COL23A1: variants seen among roughly 807,000 people sequenced by gnomAD.
The protein encoded by COL23A1 is collagen alpha-1(XXIII) chain.
In COL23A1, 97 loss-of-function variants were observed where a neutral mutation model predicts 99.3. The ratio of observed to expected loss-of-function variants is 0.98; its 90% CI spans 0.83 to 1.16. The LOEUF is 1.16. Among genes scored for constraint, COL23A1 ranks in the 50% most tolerant of loss-of-function variants. COL23A1 has a pLI of 0.00. For missense variants in COL23A1, 762 were observed against 757.4 expected (o/e 1.01, Z -0.07); for synonymous variants, 320 against 308.2 (o/e 1.04, Z -0.40).
chr5:178,404,924 G>A (rs1286392475), intron 2 of COL23A1, among the ~76,000 whole-genome samples: 1 of 152,204 alleles, frequency 6.6e-6, no homozygotes, highest in Non-Finnish European at 1.5e-5. Context: ...AGCTAACCTT[G>A]ATTTTGCTTT....
intron 2 of COL23A1, among the ~76,000 whole-genome samples, chr5:178,485,151 G>A (rs1181785113): frequency 6.6e-6 from 1 of 152,182 alleles, no homozygotes; most frequent in Non-Finnish European, 1.5e-5. Flanking sequence ...CCAACAATAT[G>A]AAATTGGTGT....
chr5:178,375,317 G>A (rs979170966), intron 2 of COL23A1, among the ~76,000 whole-genome samples: 2 of 152,200 alleles, frequency 1.3e-5, no homozygotes, highest in African/African-American at 2.4e-5. Context: ...TCTTCCGCAG[G>A]GGATGAAAAG....
chr5:178,268,815 T>A, intron 6 of COL23A1, 59 bp from the exon 7 acceptor site: 1 of 1,558,048 alleles, frequency 6.4e-7, no homozygotes, highest in South Asian at 1.2e-5. Context: ...CTGGCTCCCC[T>A]TCTGGCTTCC....
chr5:178,242,431 G>T (rs1225817700), intron 25 of COL23A1, 37 bp from the exon 26 acceptor site: 3 of 1,608,798 alleles, frequency 1.9e-6, no homozygotes, highest in Non-Finnish European at 1.7e-6. Flanking sequence ...CGAAAATGAG[G>T]CTGGAGGTTT....
At chr5:178,368,286 C>G (rs1004973826) in intron 2 of COL23A1, among the ~76,000 whole-genome samples, 3 of 152,124 alleles carry the variant, frequency 2.0e-5, no homozygotes, top group African/African-American at 4.8e-5. Flanking sequence ...CTAAAGAAGA[C>G]TTTATGGTTT....
chr5:178,420,194 C>T (rs1023316554), intron 2 of COL23A1, among the ~76,000 whole-genome samples: 36 of 152,162 alleles, frequency 2.4e-4, no homozygotes, highest in African/African-American at 8.4e-4. Flanking sequence ...TTAGGGAAAG[C>T]ATACCACGCT....
At chr5:178,582,952 T>C (rs1763738878) in intron 1 of COL23A1, among the ~76,000 whole-genome samples, 1 of 152,202 alleles carries the variant, frequency 6.6e-6, no homozygotes, top group South Asian at 2.1e-4. Flanking sequence ...TCGCAGACAT[T>C]CGTCCCTTTC....
At chr5:178,552,101 T>A (rs1479648865) in intron 2 of COL23A1, among the ~76,000 whole-genome samples, 1 of 152,122 alleles carries the variant, frequency 6.6e-6, no homozygotes, top group Non-Finnish European at 1.5e-5. Flanking sequence ...CCAACCCAGA[T>A]CCTCCTGACC....
At chr5:178,372,162 G>T (rs1424679836) in intron 2 of COL23A1, among the ~76,000 whole-genome samples, 1 of 152,216 alleles carries the variant, frequency 6.6e-6, no homozygotes. Flanking sequence ...GGCAGCAGGG[G>T]TGACTCCAAA....
intron 12 of COL23A1, among the ~76,000 whole-genome samples, chr5:178,258,777 C>G (rs1458897777): frequency 6.6e-6 from 1 of 152,008 alleles, no homozygotes; most frequent in Non-Finnish European, 1.5e-5. Flanking sequence ...TTACTACAGC[C>G]TCAACCTCCT....
intron 2 of COL23A1, among the ~76,000 whole-genome samples, chr5:178,314,531 G>A (rs1758876296): frequency 6.6e-6 from 1 of 152,130 alleles, no homozygotes; most frequent in African/African-American, 2.4e-5. Flanking sequence ...GGTGGTAGGT[G>A]TCCCCAGTGT....
At chr5:178,419,848 T>G (rs1490408723) in intron 2 of COL23A1, among the ~76,000 whole-genome samples, 1 of 152,164 alleles carries the variant, frequency 6.6e-6, no homozygotes, top group Non-Finnish European at 1.5e-5. Flanking sequence ...GTGTTCAAAC[T>G]GCGTTCAAAT....
chr5:178,566,340 T>C (rs1025901378), intron 1 of COL23A1, among the ~76,000 whole-genome samples: 2 of 152,164 alleles, frequency 1.3e-5, no homozygotes, highest in African/African-American at 4.8e-5. Context: ...ACCACAGCAC[T>C]GTCCATCCCA....
intron 1 of COL23A1, among the ~76,000 whole-genome samples, chr5:178,568,261 C>T (rs894415902): frequency 1.3e-5 from 2 of 151,900 alleles, no homozygotes; most frequent in Admixed American, 6.6e-5. Flanking sequence ...GAAGACAGCA[C>T]AATCAAATGC....
At chr5:178,471,516 G>C (rs1756750473) in intron 2 of COL23A1, among the ~76,000 whole-genome samples, 1 of 114,270 alleles carries the variant, frequency 8.8e-6, no homozygotes, top group South Asian at 3.1e-4. Context: ...TCGGATTACG[G>C]GTGTGAGCCA....
At chr5:178,417,974 C>A (rs1765404197) in intron 2 of COL23A1, among the ~76,000 whole-genome samples, 1 of 152,210 alleles carries the variant, frequency 6.6e-6, no homozygotes, top group African/African-American at 2.4e-5. Flanking sequence ...AAGAGTTTCT[C>A]CTCACTTCAG....
In COL23A1 at chr5:178,330,107, G is replaced by T. The variant is rs73344888; in HGVS notation, c.362-23188C>A. ...GTCCCAGGAGGGAGAGTATTCAGGG[G>T]GGAGAGATGCTCCCTGCAGGCTTTT... is the stretch of plus-strand genomic sequence containing the variant. On this transcript the variant is annotated intron_variant, in intron 2 of 28. Coordinates refer to ENST00000390654, the MANE Select transcript of COL23A1 (RefSeq NM_173465.4). Among the ~76,000 whole-genome samples the T allele has an allele frequency of 8.3e-3, 1,268 of 152,270 alleles. 17 individuals are homozygous for T. Among genetic ancestry groups the T allele is most frequent in the African/African-American group, 0.029 (1,206 of 41,562 alleles).
At chr5:178,333,095 C>G (rs1760123518) in intron 2 of COL23A1, among the ~76,000 whole-genome samples, 1 of 152,028 alleles carries the variant, frequency 6.6e-6, no homozygotes. Flanking sequence ...GTAGCTGGGA[C>G]TACAGGCGCC....
intron 2 of COL23A1, among the ~76,000 whole-genome samples, chr5:178,527,770 C>A (rs1194914333): frequency 1.3e-5 from 2 of 151,980 alleles, no homozygotes; most frequent in Non-Finnish European, 2.9e-5. Context: ...CCCTGCCAGG[C>A]TCCCTGCAGC....
Sources: allele counts gnomAD v4.1 joint callset (sites outside exome capture counted in the v4.1 genomes callset), GRCh38; gene constraint gnomAD v4.1.1; transcripts MANE v1.5; gene names NCBI Gene and HGNC (gene_info 2026-07-23, HGNC 2026-07-21).